Variants in RBFOX1 observed in about 807,000 individuals in gnomAD.
RBFOX1 encodes RNA binding protein fox-1 homolog 1.
RBFOX1 carries 8 observed loss-of-function variants against 57.7 expected under a neutral mutation model. The observed-to-expected ratio is 0.14, with a 90% CI of 0.08 to 0.25. RBFOX1 has a LOEUF of 0.25. Among genes scored for constraint, RBFOX1 ranks in the 10% least tolerant of loss-of-function variants. The pLI is 1.00. For missense variants in RBFOX1, 611 were observed against 548.5 expected (o/e 1.11, Z -1.14); for synonymous variants, 326 against 222.4 (o/e 1.47, Z -4.15).
intron 4 of RBFOX1, among the ~76,000 whole-genome samples, chr16:5,963,802 C>T (rs2059795892): frequency 6.6e-6 from 1 of 152,154 alleles, no homozygotes; most frequent in African/African-American, 2.4e-5. Flanking sequence ...AGCCATAAGA[C>T]TCCTAGAAAC....
chr16:7,409,311 C>G (rs867986839), intron 4 of RBFOX1, among the ~76,000 whole-genome samples: 1 of 152,240 alleles, frequency 6.6e-6, no homozygotes, highest in Non-Finnish European at 1.5e-5. Flanking sequence ...CGTTCAGTAA[C>G]AGTTCACTGG....
chr16:6,361,841 G>T (rs117201710), intron 2 of RBFOX1, among the ~76,000 whole-genome samples: 1,545 of 152,204 alleles, frequency 0.01, 16 homozygotes, highest in African/African-American at 0.021. Flanking sequence ...GAGTGCTAGG[G>T]AAGGAAAAGG....
At chr16:6,579,172 A>T (rs1218859774) in intron 2 of RBFOX1, among the ~76,000 whole-genome samples, 1 of 152,080 alleles carries the variant, frequency 6.6e-6, no homozygotes, top group African/African-American at 2.4e-5. Context: ...GTTCATGCTT[A>T]GTTCTGTTTT....
At chr16:6,789,266 T>C (rs925551985) in intron 3 of RBFOX1, among the ~76,000 whole-genome samples, 1 of 152,196 alleles carries the variant, frequency 6.6e-6, no homozygotes, top group Non-Finnish European at 1.5e-5. Flanking sequence ...ATCCCCATGG[T>C]TCACCAGAAC....
intron 2 of RBFOX1, among the ~76,000 whole-genome samples, chr16:6,541,666 A>G (rs1320261156): frequency 2.6e-5 from 4 of 152,236 alleles, no homozygotes; most frequent in Admixed American, 1.3e-4. Context: ...AATTGTAGGA[A>G]GAGCAAGAAT....
At position 6,192,996 on chromosome 16, in the gene RBFOX1, A is replaced by G. The variant is rs140095143; in HGVS notation, c.-126-123999A>G. On this transcript the variant is annotated intron_variant, in intron 1 of 15. Transcript: ENST00000550418. ...CTGGTAGCCTGAAAAAGTCCCATTC[A>G]TCTGATGGCTGTGAAATAATGAGAA... 2.6e-5 allele frequency among the ~76,000 whole-genome samples: 4 copies of G among 152,242 alleles called. No individual in the cohort carries two copies. The East Asian group carries it at 7.7e-4, about 29-fold the overall frequency.
chr16:5,456,118 A>G (rs2068623787), intron 1 of RBFOX1, among the ~76,000 whole-genome samples: 1 of 152,140 alleles, frequency 6.6e-6, no homozygotes, highest in African/African-American at 2.4e-5. Flanking sequence ...TTTTTTAAAA[A>G]AAAAACGTGC....
chr16:5,584,685 G>A (rs780584184), intron 2 of RBFOX1, among the ~76,000 whole-genome samples: 1 of 152,172 alleles, frequency 6.6e-6, no homozygotes. Flanking sequence ...GGGAGAGGAG[G>A]GCTGGGTATT....
intron 3 of RBFOX1, among the ~76,000 whole-genome samples, chr16:5,631,144 G>A (rs766058458): frequency 1.3e-5 from 2 of 152,154 alleles, no homozygotes; most frequent in Admixed American, 6.5e-5. Flanking sequence ...AAACTCAACC[G>A]GTCATTGAGT....
At chr16:7,474,352 G>C (rs1370818311) in intron 4 of RBFOX1, among the ~76,000 whole-genome samples, 1 of 152,140 alleles carries the variant, frequency 6.6e-6, no homozygotes, top group Non-Finnish European at 1.5e-5. Context: ...ATGCTGCTGA[G>C]TAAATGGCCT....
intron 3 of RBFOX1, among the ~76,000 whole-genome samples, chr16:6,735,721 G>C (rs1328086667): frequency 1.3e-5 from 2 of 152,246 alleles, no homozygotes; most frequent in East Asian, 3.9e-4. Flanking sequence ...ATTTGGTTAT[G>C]AAAAGCCCCA....
chr16:6,386,523 C>A (rs535305920), intron 2 of RBFOX1, among the ~76,000 whole-genome samples: 1 of 152,180 alleles, frequency 6.6e-6, no homozygotes, highest in East Asian at 1.9e-4. Context: ...TGCACCTTTT[C>A]GAGCTTATAT....
At chr16:6,696,711 A>C (rs1185819319) in intron 3 of RBFOX1, among the ~76,000 whole-genome samples, 5 of 151,838 alleles carry the variant, frequency 3.3e-5, no homozygotes, top group Non-Finnish European at 7.4e-5. Flanking sequence ...TTTCCATGTA[A>C]CTTCCTTGGC....
intron 4 of RBFOX1, among the ~76,000 whole-genome samples, chr16:7,483,781 G>T (rs2064645033): frequency 6.6e-6 from 1 of 152,190 alleles, no homozygotes; most frequent in Non-Finnish European, 1.5e-5. Context: ...CCAGGCCTGG[G>T]AATAATTAAA....
At chr16:5,960,320 G>T (rs1408631648) in intron 4 of RBFOX1, among the ~76,000 whole-genome samples, 1 of 152,198 alleles carries the variant, frequency 6.6e-6, no homozygotes, top group Non-Finnish European at 1.5e-5. Flanking sequence ...AACTGAGGCT[G>T]AAAGAAGTTA....
chr16:5,493,061 G>C (rs1232005044), intron 2 of RBFOX1, among the ~76,000 whole-genome samples: 1 of 152,192 alleles, frequency 6.6e-6, no homozygotes, highest in Admixed American at 6.5e-5. Flanking sequence ...CATATTGTCT[G>C]TGACTTCTTT....
chr16:6,901,990 C>G lies in RBFOX1; in HGVS notation c.-15-150067C>G, dbSNP rs570281602. On this transcript the variant is annotated intron_variant, in intron 3 of 15. Coordinates refer to ENST00000550418, the MANE Select transcript of RBFOX1 (RefSeq NM_018723.4). ...TATTGCGTTACAGACATCTGTTTAT[C>G]AGAACTTTGCCTGAATGAATTATTC... 5.3e-5 allele frequency among the ~76,000 whole-genome samples: 8 copies of G among 152,132 alleles called. No individual in the cohort carries two copies. In the Middle Eastern group the frequency reaches 0.014, roughly 259 times the overall value.
intron 2 of RBFOX1, among the ~76,000 whole-genome samples, chr16:6,471,057 A>T (rs1175648071): frequency 6.6e-6 from 1 of 152,118 alleles, no homozygotes; most frequent in African/African-American, 2.4e-5. Context: ...GAGGAATTAA[A>T]TCTAAATTTC....
At chr16:7,586,185 C>T (rs1215882571) in intron 6 of RBFOX1, among the ~76,000 whole-genome samples, 1 of 152,132 alleles carries the variant, frequency 6.6e-6, no homozygotes, top group African/African-American at 2.4e-5. Flanking sequence ...TTTATTTTTC[C>T]CTGGGCCACA....
Sources: gnomAD v4.1 joint callset for allele counts (sites outside exome capture counted in the v4.1 genomes callset) on GRCh38, gnomAD v4.1.1 for gene constraint, MANE v1.5 for transcripts, NCBI Gene and HGNC (gene_info 2026-07-23, HGNC 2026-07-21) for gene names.